The following PADI4 variants were observed in gnomAD, a reference collection of about 807,000 sequenced individuals.
PADI4 encodes the protein peptidyl arginine deiminase 4, also known as protein-arginine deiminase type-4.
A neutral mutation model predicts 75.0 loss-of-function variants in PADI4; 62 were observed. That is an observed-to-expected ratio of 0.83 (90% confidence interval 0.67 to 1.02). The LOEUF (loss-of-function observed/expected upper bound fraction) is 1.02, where lower values mean the gene tolerates loss of function less well. PADI4 is among the 50% of genes least tolerant of loss of function. PADI4 has a pLI of 0.00. For missense variants in PADI4, 845 were observed against 850.5 expected (o/e 0.99, Z 0.08); for synonymous variants, 361 against 348.1 (o/e 1.04, Z -0.41).
chr1:17,315,078 T>A (rs2073908956), intron 1 of PADI4, among the ~76,000 whole-genome samples: 1 of 152,176 alleles, frequency 6.6e-6, no homozygotes, highest in Non-Finnish European at 1.5e-5. Flanking sequence ...CCACCTGAGC[T>A]GAGGGGACAG....
chr1:17,331,241 TG>T, intron 2 of PADI4, 92 bp downstream of exon 2: 1 of 1,102,718 alleles, frequency 9.1e-7, no homozygotes, highest in Non-Finnish European at 1.3e-6. Context: ...AGCACCAGCC[TG>T]GCAGAGCCTC....
At chr1:17,351,402 G>T (rs1184725879) in intron 10 of PADI4, among the ~76,000 whole-genome samples, 22 of 148,254 alleles carry the variant, frequency 1.5e-4, no homozygotes, top group African/African-American at 4.7e-4. Flanking sequence ...ACCAGCCTAG[G>T]CACCATAGTC....
intron 3 of PADI4, 151 bp from the exon 4 acceptor site, chr1:17,336,008 G>A (rs2074302304): frequency 3.2e-6 from 2 of 625,008 alleles, no homozygotes; most frequent in African/African-American, 3.7e-5. Context: ...GGGATGTCTT[G>A]AACCTGTGTC....
At chr1:17,319,854 G>GTATAAAA (rs1170576880) in intron 1 of PADI4, among the ~76,000 whole-genome samples, 11 of 152,192 alleles carry the variant, frequency 7.2e-5, no homozygotes, top group Admixed American at 2.0e-4. Flanking sequence ...ACAGTGCTTG[G>GTATAAAA]TATAAAAGTA....
At chr1:17,351,823 G>A (rs925100037) in intron 10 of PADI4, among the ~76,000 whole-genome samples, 5 of 149,350 alleles carry the variant, frequency 3.3e-5, no homozygotes, top group Non-Finnish European at 5.9e-5. Context: ...AACAGCAAGA[G>A]GGCCTGGAGG....
chr1:17,343,861 T>C (rs1329318606), intron 8 of PADI4, among the ~76,000 whole-genome samples: 2 of 152,178 alleles, frequency 1.3e-5, no homozygotes, highest in Non-Finnish European at 2.9e-5. Flanking sequence ...TCAGGTATGT[T>C]TTTATCAGCA....
At chr1:17,332,686 G>A (rs892763443) in intron 2 of PADI4, among the ~76,000 whole-genome samples, 15 of 152,294 alleles carry the variant, frequency 9.8e-5, no homozygotes, top group South Asian at 8.3e-4. Flanking sequence ...CCTGTAGATG[G>A]GCTCAACAGG....
chr1:17,336,105 G>A (rs2074304185), intron 3 of PADI4, 54 bp from the exon 4 acceptor site: 2 of 1,288,152 alleles, frequency 1.6e-6, no homozygotes, highest in African/African-American at 1.4e-5. Flanking sequence ...GCCAGGCTGG[G>A]TGCCCCAACC....
At chr1:17,351,892 A>G (rs183285325) in intron 10 of PADI4, among the ~76,000 whole-genome samples, 5 of 134,556 alleles carry the variant, frequency 3.7e-5, no homozygotes, top group East Asian at 2.0e-4. Context: ...GGTGGTAGAA[A>G]AGGCAGTCAG....
At chr1:17,342,176 G>C (rs1177001529) in intron 7 of PADI4, 55 bp downstream of exon 7, 1 of 1,572,008 alleles carries the variant, frequency 6.4e-7, no homozygotes, top group Non-Finnish European at 8.7e-7. Context: ...GCAGTGGCCT[G>C]GCTAGGGAAA....
At chr1:17,309,440 C>T (rs926478939) in intron 1 of PADI4, among the ~76,000 whole-genome samples, 6 of 152,142 alleles carry the variant, frequency 3.9e-5, no homozygotes, top group African/African-American at 7.2e-5. Context: ...GATCTACCCC[C>T]GCCCCATGAA....
chr1:17,360,814 G>A (rs1018736492), intron 15 of PADI4, among the ~76,000 whole-genome samples: 1 of 152,212 alleles, frequency 6.6e-6, no homozygotes, highest in Non-Finnish European at 1.5e-5. Context: ...GGTCCGGGAA[G>A]GCCTCTGTGA....
chr1:17,349,068 G>T (rs372626207), intron 10 of PADI4, among the ~76,000 whole-genome samples: 6 of 152,364 alleles, frequency 3.9e-5, no homozygotes, highest in East Asian at 1.9e-4. Flanking sequence ...TGGCCAAGCT[G>T]TGCGCTGAGC....
chr1:17,310,953 C>T (rs1033116625), intron 1 of PADI4, among the ~76,000 whole-genome samples: 2 of 152,036 alleles, frequency 1.3e-5, no homozygotes, highest in Non-Finnish European at 2.9e-5. Context: ...AAAAATTAGC[C>T]GGGCGTGGTA....
chr1:17,328,808 A>G (rs1322396968), intron 1 of PADI4, among the ~76,000 whole-genome samples: 4 of 151,950 alleles, frequency 2.6e-5, no homozygotes, highest in African/African-American at 7.3e-5. Context: ...TTTGTATACA[A>G]TGTTGGTTTA....
At chr1:17,336,869 T>C (rs570833062) in intron 4 of PADI4, among the ~76,000 whole-genome samples, 1 of 152,198 alleles carries the variant, frequency 6.6e-6, no homozygotes, top group Non-Finnish European at 1.5e-5. Context: ...GAGTAGAATC[T>C]GTCCCTGTAT....
intron 1 of PADI4, among the ~76,000 whole-genome samples, chr1:17,320,268 TA>T (rs34916684): frequency 0.56 from 85,069 of 151,926 alleles, 24,229 homozygotes; most frequent in Non-Finnish European, 0.61. Flanking sequence ...CTCCCTCTTA[TA>T]AAGACCTTTG....
intron 10 of PADI4, 104 bp downstream of exon 10, chr1:17,348,152 C>T (rs892992115): frequency 8.7e-6 from 6 of 689,984 alleles, no homozygotes; most frequent in African/African-American, 1.8e-5. Context: ...AGCTGAGTAG[C>T]CCAGTGCAAG....
chr1:17,338,346 G>A lies in PADI4; in HGVS notation c.526+191G>A, dbSNP rs577319423. Among the ~76,000 whole-genome samples the A allele has an allele frequency of 3.9e-5, 6 of 152,260 alleles. No individual in the cohort carries two copies. The East Asian group carries it at 5.8e-4, about 15-fold the overall frequency. ...AGTGACCTCCCCAAGCTCACGCAGC[G>A]GTCAGGGAAGAGCTGAGGCCAGTGC... On this transcript the variant is annotated intron_variant, in intron 5 of 15. Transcript: ENST00000375448.
Sources: allele counts gnomAD v4.1 joint callset (sites outside exome capture counted in the v4.1 genomes callset), GRCh38; gene constraint gnomAD v4.1.1; transcripts MANE v1.5; gene names NCBI Gene and HGNC (gene_info 2026-07-23, HGNC 2026-07-21).